The following SSR2 variants were observed in gnomAD, a reference collection of about 807,000 sequenced individuals.
SSR2 encodes the protein translocon-associated protein subunit beta.
A neutral mutation model predicts 22.6 loss-of-function variants in SSR2; 16 were observed. The observed-to-expected ratio is 0.71, with a 90% CI of 0.48 to 1.08. The LOEUF is 1.08. SSR2 is among the 50% of genes least tolerant of loss of function. The probability of loss-of-function intolerance (pLI) is 0.00; values close to 1 mark genes in which losing one functional copy is unlikely to be tolerated. For synonymous variants in SSR2, 83 were observed against 91.2 expected, an observed-to-expected ratio of 0.91 and a Z score of 0.51; for missense variants, 171 against 221.6, an observed-to-expected ratio of 0.77 and a Z score of 1.45.
chr1:156,009,737 A>G, intron 5 of SSR2, 87 bp from the exon 6 acceptor site: 1 of 841,316 alleles, frequency 1.2e-6, no homozygotes, highest in Non-Finnish European at 1.9e-6. Flanking sequence ...TGAGAAAGGG[A>G]GCAGTCTAGC....
Position 156,020,878 on chromosome 1 carries a change from C to G in SSR2, c.-1+10G>C. Reference sequence around the variant, plus strand: ...TCTCCCGTTCGGACGCCCTAAGCCTCCGGACTTACCGTTGGCATCCCAAAC... The same window carrying G: ...TCTCCCGTTCGGACGCCCTAAGCCTGCGGACTTACCGTTGGCATCCCAAAC... On this transcript the variant is annotated intron_variant, in intron 1 of 5. Transcript: ENST00000295702. 1 of 471,236 alleles carries G rather than the reference C, an allele frequency of 2.1e-6. No homozygotes were observed. The highest frequency in any genetic ancestry group is 4.4e-6 in the Non-Finnish European group (1 of 226,982). 29.2% of individuals were successfully genotyped at this position (471,236 alleles called of 1,614,324 possible).
intron 5 of SSR2, among the ~76,000 whole-genome samples, chr1:156,009,910 A>G (rs553437381): frequency 1.3e-5 from 2 of 152,240 alleles, no homozygotes; most frequent in Admixed American, 1.3e-4. Flanking sequence ...AGTAGCTGGG[A>G]TTACAGGCGC....
At chr1:156,010,944 T>A (rs1682969649) in intron 5 of SSR2, 1 of 152,066 alleles carries the variant, frequency 6.6e-6, no homozygotes, top group African/African-American at 2.4e-5. Context: ...ACCTGGCATA[T>A]AACCTCTATC....
chr1:156,010,998 C>T (rs1452345219), intron 5 of SSR2: 8 of 151,344 alleles, frequency 5.3e-5, no homozygotes, highest in South Asian at 2.1e-4. Flanking sequence ...GACAGCGTTT[C>T]GCTCTTGTTG....
intron 5 of SSR2, 83 bp from the exon 6 acceptor site, chr1:156,009,733 A>G (rs1682953664): frequency 1.1e-6 from 1 of 906,906 alleles, no homozygotes. Flanking sequence ...CCAATGAGAA[A>G]GGGAGCAGTC....
chr1:156,018,033 G>A (rs1683085725), intron 3 of SSR2: 3 of 338,364 alleles, frequency 8.9e-6, no homozygotes. Flanking sequence ...ACAGGCATGA[G>A]CCACCGTGCC....
At position 156,009,336 on chromosome 1, in the gene SSR2, A is replaced by ACGATGGAACCAAGGAGGCTCT; in HGVS notation, c.*183_*203dup. On this transcript the variant is annotated 3_prime_UTR_variant, in exon 6 of 6. Transcript: ENST00000295702. The stretch of plus-strand genomic sequence containing the variant: ...CAAAGGCATTCCTGTTTATGGCTTC[A>ACGATGGAACCAAGGAGGCTCT]CGATGGAACCAAGGAGGCTCTCGCA... 1.9e-6 allele frequency: 1 copy of ACGATGGAACCAAGGAGGCTCT among 526,736 alleles called. No homozygotes were observed. Among genetic ancestry groups the ACGATGGAACCAAGGAGGCTCT allele is most frequent in the Non-Finnish European group, 3.3e-6 (1 of 298,882 alleles). The allele number at this position is 526,736 out of a possible 1,614,324, so 32.6% of individuals were successfully genotyped here.
At chr1:156,016,139 C>A (rs547659736) in intron 3 of SSR2, among the ~76,000 whole-genome samples, 2 of 151,844 alleles carry the variant, frequency 1.3e-5, no homozygotes, top group African/African-American at 2.4e-5. Context: ...GCGACAAGAG[C>A]GAAACTCCAT....
intron 5 of SSR2, among the ~76,000 whole-genome samples, chr1:156,009,900 A>T (rs1474329872): frequency 2.6e-5 from 4 of 152,022 alleles, no homozygotes; most frequent in African/African-American, 9.7e-5. Context: ...CAGCCTCCCC[A>T]GTAGCTGGGA....
chr1:156,009,737 A>T, intron 5 of SSR2, 87 bp from the exon 6 acceptor site: 1 of 841,316 alleles, frequency 1.2e-6, no homozygotes, highest in South Asian at 1.7e-5. Context: ...TGAGAAAGGG[A>T]GCAGTCTAGC....
At chr1:156,009,679 G>A (rs367956594) in intron 5 of SSR2, 29 bp from the exon 6 acceptor site, 1 of 1,543,510 alleles carries the variant, frequency 6.5e-7, no homozygotes, top group Non-Finnish European at 8.8e-7. Context: ...ACCTTGCTTA[G>A]AAGTCTGGAT....
chr1:156,018,740 C>T lies in SSR2; in HGVS notation c.156-372G>A, dbSNP rs571723979. 6.6e-5 allele frequency among the ~76,000 whole-genome samples: 10 copies of T among 151,256 alleles called. No homozygotes were observed. In the South Asian group the frequency reaches 1.7e-3, roughly 25 times the overall value. ...AAAAAAATTAAAGCAATAGTCCGGG[C>T]GCAGTGGTTCACACCTATAATCCTA... On this transcript the variant is annotated intron_variant, in intron 2 of 5. Coordinates refer to ENST00000295702, the MANE Select transcript of SSR2 (RefSeq NM_003145.4).
intron 2 of SSR2, chr1:156,019,221 A>G: frequency 2.2e-6 from 1 of 452,394 alleles, no homozygotes; most frequent in Non-Finnish European, 4.4e-6. Flanking sequence ...CCAGGAGGCA[A>G]TAGGTCCAAG....
At chr1:156,010,474 A>T (rs1461149698) in intron 5 of SSR2, 2 of 152,140 alleles carry the variant, frequency 1.3e-5, no homozygotes, top group African/African-American at 4.8e-5. Context: ...GGCTCAAGCG[A>T]TCCTCCAGCA....
chr1:156,017,614 C>G (rs1451183569), intron 3 of SSR2, among the ~76,000 whole-genome samples: 1 of 151,850 alleles, frequency 6.6e-6, no homozygotes, highest in Non-Finnish European at 1.5e-5. Context: ...TCCCAAAGTG[C>G]TGGGATTACA....
At chr1:156,018,401 A>G in intron 2 of SSR2, 33 bp from the exon 3 acceptor site, 1 of 1,564,856 alleles carries the variant, frequency 6.4e-7, no homozygotes, top group Non-Finnish European at 8.8e-7. Context: ...AGGGTTAGTA[A>G]GTAATGGATA....
Position 156,018,348 on chromosome 1 carries a change from A to G in SSR2, c.176T>C (p.Leu59Pro). ...VGSSAALDVE[L>P]SDDSFPPEDF... is the part of the protein sequence containing the mutation. ...TTCTGGAGGGAAGGAATCATCAGAT[A>G]GTTCCACGTCTAATGCAGCACTAGA... The change falls in exon 3 of 6, where the codon CTA becomes CCA. Residue 59 changes from leucine to proline, a missense_variant. By Grantham distance (98) the Leu-to-Pro change is moderately conservative. Transcript: ENST00000295702. 1 of 1,613,740 alleles carries G rather than the reference A, an allele frequency of 6.2e-7. No homozygotes were observed. The highest frequency in any genetic ancestry group is 8.5e-7 in the Non-Finnish European group (1 of 1,179,668).
chr1:156,020,876 C>G lies in SSR2; in HGVS notation c.-1+12G>C. 2.1e-6 allele frequency: 1 copy of G among 471,244 alleles called. No individual in the cohort carries two copies. The highest frequency in any genetic ancestry group is 4.4e-6 in the Non-Finnish European group (1 of 226,996). 29.2% of individuals were successfully genotyped at this position (471,244 alleles called of 1,614,324 possible). Reference sequence around the variant, plus strand: ...CCTCTCCCGTTCGGACGCCCTAAGCCTCCGGACTTACCGTTGGCATCCCAA... The same window carrying G: ...CCTCTCCCGTTCGGACGCCCTAAGCGTCCGGACTTACCGTTGGCATCCCAA... On this transcript the variant is annotated intron_variant, in intron 1 of 5. Coordinates refer to ENST00000295702, the MANE Select transcript of SSR2 (RefSeq NM_003145.4).
At chr1:156,019,346 G>A in intron 2 of SSR2, 1 of 339,192 alleles carries the variant, frequency 2.9e-6, no homozygotes, top group Non-Finnish European at 6.1e-6. Flanking sequence ...TGAAAGAAAG[G>A]CAACAAAAAT....
Sources: allele counts gnomAD v4.1 joint callset (sites outside exome capture counted in the v4.1 genomes callset), GRCh38; gene constraint gnomAD v4.1.1; transcripts MANE v1.5; gene names NCBI Gene and HGNC (gene_info 2026-07-23, HGNC 2026-07-21).